ELOVL6: variants seen among roughly 807,000 people sequenced by gnomAD.
ELOVL6 encodes very long chain fatty acid elongase 6.
ELOVL6 carries 8 observed loss-of-function variants against 31.7 expected under a neutral mutation model. That is an observed-to-expected ratio of 0.25 (90% CI 0.15 to 0.45). ELOVL6 has a LOEUF of 0.45. Ranked by LOEUF, ELOVL6 falls within the 20% of genes least tolerant of loss-of-function variation. The probability of loss-of-function intolerance (pLI) is 1.00; values close to 1 mark genes in which losing one functional copy is unlikely to be tolerated. For synonymous variants in ELOVL6, 101 were observed against 117.7 expected, an observed-to-expected ratio of 0.86 and a Z score of 0.92; for missense variants, 126 against 326.4, an observed-to-expected ratio of 0.39 and a Z score of 4.73.
chr4:110,181,362 C>T (rs1759266515), intron 1 of ELOVL6, among the ~76,000 whole-genome samples: 1 of 152,094 alleles, frequency 6.6e-6, no homozygotes, highest in Non-Finnish European at 1.5e-5. Context: ...GTGGGAGAAT[C>T]ACCAGAGCCC....
At chr4:110,122,958 A>G (rs1449175849) in intron 1 of ELOVL6, among the ~76,000 whole-genome samples, 1 of 151,940 alleles carries the variant, frequency 6.6e-6, no homozygotes, top group Non-Finnish European at 1.5e-5. Context: ...TGCTTTCTAT[A>G]TGTCTTTTTC....
chr4:110,046,156 T>G lies in ELOVL6; in HGVS notation c.*5182A>C, dbSNP rs949681890. 3 of 152,094 alleles carry G rather than the reference T, an allele frequency of 2.0e-5. No individual in the cohort carries two copies. Among genetic ancestry groups the G allele is most frequent in the African/African-American group, 7.2e-5 (3 of 41,396 alleles). 9.4% of individuals were successfully genotyped at this position (152,094 alleles called of 1,614,324 possible). On this transcript the variant is annotated 3_prime_UTR_variant, in exon 4 of 4. Transcript: ENST00000302274. ...TAGGCTACTTCTGTGGCCTTCTTAG[T>G]TTTTGTCGATGGAAATAAAGTCTCA...
intron 2 of ELOVL6, among the ~76,000 whole-genome samples, chr4:110,071,619 C>T (rs1373815240): frequency 6.6e-6 from 1 of 152,068 alleles, no homozygotes; most frequent in Non-Finnish European, 1.5e-5. Context: ...TGGCTGGCTC[C>T]CCCTCTCCCG....
intron 1 of ELOVL6, among the ~76,000 whole-genome samples, chr4:110,123,087 TAC>T (rs1180232056): frequency 6.6e-6 from 1 of 152,240 alleles, no homozygotes; most frequent in Non-Finnish European, 1.5e-5. Flanking sequence ...CCCAGGACTT[TAC>T]GTCTTTCCTC....
At chr4:110,061,964 A>T (rs2126223253) in intron 2 of ELOVL6, among the ~76,000 whole-genome samples, 1 of 152,258 alleles carries the variant, frequency 6.6e-6, no homozygotes, top group South Asian at 2.1e-4. Context: ...AAATCATTGT[A>T]ATTTATTCCC....
intron 1 of ELOVL6, among the ~76,000 whole-genome samples, chr4:110,159,957 C>A (rs1300049177): frequency 1.3e-5 from 2 of 152,104 alleles, no homozygotes; most frequent in Non-Finnish European, 2.9e-5. Flanking sequence ...ACTTTCTATT[C>A]ATGTCGTTAT....
intron 1 of ELOVL6, among the ~76,000 whole-genome samples, chr4:110,106,815 C>G (rs1361698847): frequency 1.3e-5 from 2 of 152,108 alleles, no homozygotes; most frequent in African/African-American, 4.8e-5. Context: ...GATAAAGTCA[C>G]TCTGGTACAA....
chr4:110,166,351 G>A (rs547241498), intron 1 of ELOVL6, among the ~76,000 whole-genome samples: 1 of 152,072 alleles, frequency 6.6e-6, no homozygotes, highest in Non-Finnish European at 1.5e-5. Flanking sequence ...GGTGGCTCAC[G>A]CCTGTAATCC....
intron 1 of ELOVL6, among the ~76,000 whole-genome samples, chr4:110,165,239 C>A (rs371877301): frequency 2.2e-4 from 33 of 152,264 alleles, no homozygotes; most frequent in East Asian, 5.8e-4. Context: ...TACCAGGGCA[C>A]CTGTTTAGTG....
chr4:110,162,892 G>C (rs1181885780), intron 1 of ELOVL6, among the ~76,000 whole-genome samples: 1 of 152,184 alleles, frequency 6.6e-6, no homozygotes, highest in African/African-American at 2.4e-5. Flanking sequence ...TTGATGAAGA[G>C]AAAACTGAGT....
At chr4:110,112,699 C>G (rs1203265648) in intron 1 of ELOVL6, among the ~76,000 whole-genome samples, 1 of 151,354 alleles carries the variant, frequency 6.6e-6, no homozygotes, top group Non-Finnish European at 1.5e-5. Flanking sequence ...ATGGTGAAAC[C>G]CCCTCTCTAC....
At chr4:110,052,417 T>A (rs1754859422) in intron 3 of ELOVL6, among the ~76,000 whole-genome samples, 1 of 152,224 alleles carries the variant, frequency 6.6e-6, no homozygotes. Flanking sequence ...ACAAAAATCC[T>A]CTTCTATACA....
intron 1 of ELOVL6, among the ~76,000 whole-genome samples, chr4:110,110,401 ATTTTT>A (rs397878146): frequency 0.21 from 22,900 of 109,976 alleles, 2,399 homozygotes; most frequent in African/African-American, 0.41. Context: ...TTTTCCGCAG[ATTTTT>A]TTTTTTTTTT....
intron 2 of ELOVL6, among the ~76,000 whole-genome samples, chr4:110,084,582 ATATATATTTTTTTTTTTT>A (rs1353558703): frequency 1.8e-5 from 1 of 54,508 alleles, no homozygotes; most frequent in Non-Finnish European, 2.9e-5. Context: ...ATATATATAT[ATATATATTTTTTTTTTTT>A]TTTTTTTTTT....
At chr4:110,186,277 C>G (rs1759437226) in intron 1 of ELOVL6, among the ~76,000 whole-genome samples, 1 of 151,926 alleles carries the variant, frequency 6.6e-6, no homozygotes, top group Non-Finnish European at 1.5e-5. Context: ...TGCTGACCAC[C>G]AACCCACACA....
chr4:110,187,112 T>C (rs1342116415), intron 1 of ELOVL6, among the ~76,000 whole-genome samples: 3 of 151,708 alleles, frequency 2.0e-5, no homozygotes, highest in South Asian at 4.1e-4. Flanking sequence ...GATGAAAATT[T>C]AAAAATGTGT....
chr4:110,187,255 T>TAAAG (rs1268904422), intron 1 of ELOVL6, among the ~76,000 whole-genome samples: 6 of 151,868 alleles, frequency 4.0e-5, no homozygotes, highest in African/African-American at 9.7e-5. Flanking sequence ...AGAGGTCCTT[T>TAAAG]GACCTCTTAA....
At chr4:110,072,425 A>G (rs1755517299) in intron 2 of ELOVL6, among the ~76,000 whole-genome samples, 1 of 152,206 alleles carries the variant, frequency 6.6e-6, no homozygotes, top group South Asian at 2.1e-4. Context: ...GCAGTGAGCC[A>G]AGATCGCACC....
chr4:110,171,575 A>T (rs1219007302), intron 1 of ELOVL6, among the ~76,000 whole-genome samples: 1 of 149,862 alleles, frequency 6.7e-6, no homozygotes. Context: ...GAGCACCTGG[A>T]GGTTACTGGA....
Sources: allele counts gnomAD v4.1 joint callset (sites outside exome capture counted in the v4.1 genomes callset), GRCh38; gene constraint gnomAD v4.1.1; transcripts MANE v1.5; gene names NCBI Gene and HGNC (gene_info 2026-07-23, HGNC 2026-07-21).